The following TENM4 variants were observed in gnomAD, a reference collection of about 807,000 sequenced individuals.
TENM4 encodes teneurin transmembrane protein 4.
Under a neutral mutation model 243.3 loss-of-function variants are expected in TENM4, and 82 were observed. The ratio of observed to expected loss-of-function variants is 0.34; its 90% CI spans 0.28 to 0.40. The LOEUF (loss-of-function observed/expected upper bound fraction) is 0.40, where lower values mean the gene tolerates loss of function less well. Among genes scored for constraint, TENM4 ranks in the 10% least tolerant of loss-of-function variants. The pLI, the probability that TENM4 is intolerant of heterozygous loss-of-function variation, is 1.00. For missense variants in TENM4, 3,138 were observed against 3,673.3 expected, an observed-to-expected ratio of 0.85 and a Z score of 3.77; for synonymous variants, 1,412 against 1,456.3, an observed-to-expected ratio of 0.97 and a Z score of 0.69.
chr11:78,663,993 T>C (rs906893784), intron 32 of TENM4, among the ~76,000 whole-genome samples: 3 of 152,192 alleles, frequency 2.0e-5, no homozygotes, highest in Admixed American at 1.3e-4. Flanking sequence ...GTTCTACTTG[T>C]TTCAGCCTTA....
At chr11:78,917,978 C>T (rs1367873724) in intron 6 of TENM4, among the ~76,000 whole-genome samples, 1 of 152,186 alleles carries the variant, frequency 6.6e-6, no homozygotes, top group African/African-American at 2.4e-5. Flanking sequence ...AAGTACTCAC[C>T]TAATGTTAGC....
At chr11:79,220,196 T>A (rs1438273427) in intron 2 of TENM4, among the ~76,000 whole-genome samples, 1 of 152,244 alleles carries the variant, frequency 6.6e-6, no homozygotes. Flanking sequence ...TCATCGCACC[T>A]GCAGCCTGGA....
chr11:79,006,561 T>A (rs1456455136), intron 6 of TENM4, among the ~76,000 whole-genome samples: 1 of 152,106 alleles, frequency 6.6e-6, no homozygotes, highest in Non-Finnish European at 1.5e-5. Flanking sequence ...ATTCTCTTAT[T>A]TAACACACTA....
chr11:78,726,638 C>T (rs1855518035), intron 22 of TENM4, among the ~76,000 whole-genome samples: 1 of 152,082 alleles, frequency 6.6e-6, no homozygotes, highest in Non-Finnish European at 1.5e-5. Flanking sequence ...CGGCTTGGCA[C>T]CATCCTCTTG....
intron 6 of TENM4, among the ~76,000 whole-genome samples, chr11:78,969,584 C>G (rs1219513856): frequency 6.6e-6 from 1 of 152,200 alleles, no homozygotes; most frequent in African/African-American, 2.4e-5. Flanking sequence ...CTTTGCTCAG[C>G]AGTCCTGAGA....
chr11:78,903,412 C>CGGTTCA lies in TENM4; in HGVS notation c.599_604dup (p.Leu200_Asn201dup). ...GTTGCTCCTCGGCGTGAAGTTGCCC[C>CGGTTCA]GGTTCAGGGAGTTAATGGAGGCCGC... On this transcript the variant is annotated inframe_insertion, in exon 7 of 34. Transcript: ENST00000278550. The CGGTTCA allele has an allele frequency of 6.5e-7, 1 of 1,539,684 alleles. No homozygotes were observed. Among genetic ancestry groups the CGGTTCA allele is most frequent in the African/African-American group, 1.4e-5 (1 of 72,194 alleles).
intron 2 of TENM4, among the ~76,000 whole-genome samples, chr11:79,241,538 G>A (rs553028690): frequency 6.6e-6 from 1 of 152,334 alleles, no homozygotes; most frequent in African/African-American, 2.4e-5. Context: ...GAATGTTTGA[G>A]TCTGCCACAC....
At chr11:78,688,374 A>C in intron 28 of TENM4, 148 bp from the exon 29 acceptor site, 1 of 851,356 alleles carries the variant, frequency 1.2e-6, no homozygotes, top group Non-Finnish European at 1.8e-6. Context: ...TATCTTGCAC[A>C]GGACCTGGTA....
At chr11:78,874,023 C>A (rs962713011) in intron 9 of TENM4, among the ~76,000 whole-genome samples, 1 of 152,070 alleles carries the variant, frequency 6.6e-6, no homozygotes, top group Non-Finnish European at 1.5e-5. Flanking sequence ...GTAGCCACTG[C>A]CCTCAGCCCT....
chr11:78,665,426 C>T (rs992472270), intron 32 of TENM4, among the ~76,000 whole-genome samples: 3 of 152,078 alleles, frequency 2.0e-5, no homozygotes, highest in African/African-American at 7.2e-5. Flanking sequence ...TGTGCGCCAC[C>T]ACGCCCAGCT....
chr11:79,339,943 G>A (rs1487816799), intron 1 of TENM4, among the ~76,000 whole-genome samples: 1 of 152,134 alleles, frequency 6.6e-6, no homozygotes, highest in Non-Finnish European at 1.5e-5. Flanking sequence ...GGGGCCACAG[G>A]CAGCCACGTG....
chr11:78,765,050 T>C (rs1450367821), intron 18 of TENM4, among the ~76,000 whole-genome samples: 1 of 152,164 alleles, frequency 6.6e-6, no homozygotes, highest in Non-Finnish European at 1.5e-5. Context: ...AGCAAGCCCA[T>C]CAGTCTTTTT....
intron 3 of TENM4, among the ~76,000 whole-genome samples, chr11:79,166,544 A>T (rs190122193): frequency 1.8e-4 from 28 of 152,334 alleles, no homozygotes; most frequent in Admixed American, 1.6e-3. Context: ...ACTGCTTACT[A>T]TTGGCTATTC....
chr11:78,866,663 C>G (rs1858986667), intron 9 of TENM4, among the ~76,000 whole-genome samples: 1 of 152,164 alleles, frequency 6.6e-6, no homozygotes, highest in Non-Finnish European at 1.5e-5. Flanking sequence ...CTGGCAATCA[C>G]AGAGGCCAAC....
chr11:78,717,834 T>A (rs1252725874), intron 25 of TENM4, among the ~76,000 whole-genome samples: 10 of 152,342 alleles, frequency 6.6e-5, no homozygotes. Context: ...GGAGTTCAAA[T>A]GTACTTCTGA....
intron 12 of TENM4, among the ~76,000 whole-genome samples, chr11:78,828,385 G>A (rs1485146208): frequency 6.6e-6 from 1 of 152,200 alleles, no homozygotes; most frequent in African/African-American, 2.4e-5. Context: ...TCTCTAGCAA[G>A]AGCTGCCAAG....
chr11:79,192,723 A>C (rs1157213175), intron 3 of TENM4, among the ~76,000 whole-genome samples: 1 of 151,908 alleles, frequency 6.6e-6, no homozygotes, highest in African/African-American at 2.4e-5. Flanking sequence ...CCCCTCTGTG[A>C]GAAACACCCA....
At chr11:79,424,803 G>A (rs561513470) in intron 1 of TENM4, among the ~76,000 whole-genome samples, 9 of 151,916 alleles carry the variant, frequency 5.9e-5, no homozygotes, top group East Asian at 5.9e-4. Flanking sequence ...GCGTGGTGGC[G>A]GACGCCTATT....
At chr11:79,321,615 A>C (rs1202436905) in intron 1 of TENM4, among the ~76,000 whole-genome samples, 1 of 140,186 alleles carries the variant, frequency 7.1e-6, no homozygotes, top group Non-Finnish European at 1.5e-5. Flanking sequence ...GCCTGTGATG[A>C]CTTTCTGCAC....
Sources: gnomAD v4.1 joint callset for allele counts (sites outside exome capture counted in the v4.1 genomes callset) on GRCh38, gnomAD v4.1.1 for gene constraint, MANE v1.5 for transcripts, NCBI Gene and HGNC (gene_info 2026-07-23, HGNC 2026-07-21) for gene names.